Variants in NAALADL2 observed in about 807,000 individuals in gnomAD.
NAALADL2 encodes the protein inactive N-acetylated-alpha-linked acidic dipeptidase-like protein 2.
In NAALADL2, 76 loss-of-function variants were observed where a neutral mutation model predicts 87.2. The ratio of observed to expected loss-of-function variants is 0.87; its 90% CI spans 0.72 to 1.05. The LOEUF is 1.05. Ranked by LOEUF, NAALADL2 falls within the 50% of genes least tolerant of loss-of-function variation. The probability of loss-of-function intolerance (pLI) is 0.00; values close to 1 mark genes in which losing one functional copy is unlikely to be tolerated. For synonymous variants in NAALADL2, 354 were observed against 331.0 expected, an observed-to-expected ratio of 1.07 and a Z score of -0.75; for missense variants, 1,089 against 945.8, an observed-to-expected ratio of 1.15 and a Z score of -1.99.
intron 1 of NAALADL2, among the ~76,000 whole-genome samples, chr3:175,010,843 A>G (rs897418703): frequency 1.3e-5 from 2 of 152,108 alleles, no homozygotes; most frequent in Middle Eastern, 3.2e-3. Context: ...TAGCTCTCAG[A>G]CAGTTCATAG....
At position 175,258,812 on chromosome 3, in the gene NAALADL2, T is replaced by A. The variant is rs891270290; in HGVS notation, c.939+2282T>A. Among the ~76,000 whole-genome samples, 7 of 151,930 alleles carry A rather than the reference T, an allele frequency of 4.6e-5. No individual in the cohort carries two copies. The East Asian group carries it at 1.4e-3, about 29-fold the overall frequency. On this transcript the variant is annotated intron_variant, in intron 4 of 13. Coordinates refer to ENST00000454872, the MANE Select transcript of NAALADL2 (RefSeq NM_207015.3). The stretch of plus-strand genomic sequence containing the variant: ...GAGAAGCCTAAAGGTAAGAGATGGG[T>A]TTACTAAGCATTTAATAAATAAATA...
At chr3:175,276,569 C>T (rs1375221680) in intron 4 of NAALADL2, among the ~76,000 whole-genome samples, 1 of 152,114 alleles carries the variant, frequency 6.6e-6, no homozygotes, top group African/African-American at 2.4e-5. Context: ...TCCCAAAGTG[C>T]TGGGATTACA....
chr3:175,184,279 T>G (rs990496411), intron 2 of NAALADL2, among the ~76,000 whole-genome samples: 1 of 152,060 alleles, frequency 6.6e-6, no homozygotes, highest in Non-Finnish European at 1.5e-5. Flanking sequence ...CTTTTTCCCT[T>G]TAATATCAAG....
chr3:175,179,044 T>G (rs1438622828), intron 2 of NAALADL2, among the ~76,000 whole-genome samples: 1 of 151,992 alleles, frequency 6.6e-6, no homozygotes, highest in Non-Finnish European at 1.5e-5. Flanking sequence ...CCCTCCATGG[T>G]TTTCTAACCA....
intron 10 of NAALADL2, among the ~76,000 whole-genome samples, chr3:175,598,020 T>A (rs755687432): frequency 6.6e-6 from 1 of 152,040 alleles, no homozygotes; most frequent in Non-Finnish European, 1.5e-5. Context: ...TACATATAGA[T>A]GTATGTATAC....
At chr3:174,968,925 C>A (rs542682965) in intron 1 of NAALADL2, among the ~76,000 whole-genome samples, 2 of 152,136 alleles carry the variant, frequency 1.3e-5, no homozygotes, top group Non-Finnish European at 2.9e-5. Flanking sequence ...TCTTTGAGGG[C>A]CTGCTAATGT....
At chr3:175,063,814 GC>G (rs1239351158) in intron 1 of NAALADL2, among the ~76,000 whole-genome samples, 1 of 152,014 alleles carries the variant, frequency 6.6e-6, no homozygotes, top group African/African-American at 2.4e-5. Context: ...TGTTCCTCAA[GC>G]TTTTTAGCAG....
chr3:174,825,768 C>G, intron 3 of NAALADL2, among the ~76,000 whole-genome samples: 1 of 152,174 alleles, frequency 6.6e-6, no homozygotes, highest in African/African-American at 2.4e-5. Flanking sequence ...TGGCTCACAC[C>G]TGTAATCCCA....
At chr3:175,464,300 G>T (rs969643634) in intron 7 of NAALADL2, among the ~76,000 whole-genome samples, 5 of 151,768 alleles carry the variant, frequency 3.3e-5, no homozygotes, top group African/African-American at 1.2e-4. Flanking sequence ...TATGAAAATG[G>T]TCACCTGCAG....
chr3:174,961,778 T>C (rs1345335825), intron 1 of NAALADL2, among the ~76,000 whole-genome samples: 1 of 152,084 alleles, frequency 6.6e-6, no homozygotes, highest in Non-Finnish European at 1.5e-5. Flanking sequence ...TAGCCGATGA[T>C]AATGAGAAAG....
intron 6 of NAALADL2, among the ~76,000 whole-genome samples, chr3:175,456,607 TTTC>T (rs1359467221): frequency 6.6e-6 from 1 of 152,072 alleles, no homozygotes; most frequent in African/African-American, 2.4e-5. Flanking sequence ...AAAAGTATTT[TTTC>T]TTAACTACTC....
chr3:175,679,134 G>C (rs1005751116), intron 11 of NAALADL2, among the ~76,000 whole-genome samples: 7 of 152,220 alleles, frequency 4.6e-5, no homozygotes, highest in African/African-American at 1.4e-4. Context: ...ATCAGTTAAG[G>C]CAGGAATAGG....
At chr3:175,007,065 A>G (rs957451887) in intron 1 of NAALADL2, among the ~76,000 whole-genome samples, 1 of 151,524 alleles carries the variant, frequency 6.6e-6, no homozygotes, top group African/African-American at 2.4e-5. Context: ...GTAAGTAAAT[A>G]ATCTATGAAT....
At chr3:174,502,556 TAGTC>T (rs1331134319) in intron 1 of NAALADL2, among the ~76,000 whole-genome samples, 7 of 152,324 alleles carry the variant, frequency 4.6e-5, no homozygotes, top group East Asian at 3.9e-4. Flanking sequence ...TAATTTTTAT[TAGTC>T]AGTTATTTTC....
intron 2 of NAALADL2, among the ~76,000 whole-genome samples, chr3:174,674,067 G>A (rs1258915053): frequency 6.6e-6 from 1 of 151,974 alleles, no homozygotes; most frequent in Non-Finnish European, 1.5e-5. Context: ...CAAGCATCGT[G>A]CTGGCATCTG....
chr3:175,012,449 T>G (rs1749959476), intron 1 of NAALADL2, among the ~76,000 whole-genome samples: 1 of 152,192 alleles, frequency 6.6e-6, no homozygotes, highest in Non-Finnish European at 1.5e-5. Context: ...ATTACAGGTG[T>G]GAGCCACCGT....
chr3:174,943,237 G>A (rs1414728295), intron 1 of NAALADL2, among the ~76,000 whole-genome samples: 2 of 152,168 alleles, frequency 1.3e-5, no homozygotes, highest in Non-Finnish European at 2.9e-5. Flanking sequence ...TCTGGGCTGA[G>A]GCTTTGTGCA....
intron 13 of NAALADL2, among the ~76,000 whole-genome samples, chr3:175,758,607 T>G (rs1747581665): frequency 6.6e-6 from 1 of 151,980 alleles, no homozygotes; most frequent in African/African-American, 2.4e-5. Context: ...CATTTCAAAA[T>G]TACAATAGGA....
intron 1 of NAALADL2, among the ~76,000 whole-genome samples, chr3:174,904,821 C>T (rs1210886267): frequency 1.3e-5 from 2 of 151,638 alleles, no homozygotes; most frequent in East Asian, 3.9e-4. Flanking sequence ...AATTTTGATG[C>T]TCGGTATGTT....
Sources: gnomAD v4.1 joint callset for allele counts (sites outside exome capture counted in the v4.1 genomes callset) on GRCh38, gnomAD v4.1.1 for gene constraint, MANE v1.5 for transcripts, NCBI Gene and HGNC (gene_info 2026-07-23, HGNC 2026-07-21) for gene names.